STXBP6: variants seen among roughly 807,000 people sequenced by gnomAD.
STXBP6 encodes the protein syntaxin-binding protein 6.
STXBP6 carries 21 observed loss-of-function variants against 26.9 expected under a neutral mutation model. The ratio of observed to expected loss-of-function variants is 0.78; its 90% CI spans 0.55 to 1.12. The LOEUF (loss-of-function observed/expected upper bound fraction) is 1.12. Among genes scored for constraint, STXBP6 ranks in the 50% most tolerant of loss-of-function variants. The probability of loss-of-function intolerance (pLI) is 0.00; values close to 1 mark genes in which losing one functional copy is unlikely to be tolerated. For synonymous variants in STXBP6, 97 were observed against 92.6 expected, an observed-to-expected ratio of 1.05 and a Z score of -0.27; for missense variants, 232 against 257.9, an observed-to-expected ratio of 0.90 and a Z score of 0.69.
intron 1 of STXBP6, among the ~76,000 whole-genome samples, chr14:24,992,700 A>G (rs1161720493): frequency 2.0e-5 from 3 of 152,208 alleles, no homozygotes; most frequent in African/African-American, 7.2e-5. Flanking sequence ...ATGTAATGCA[A>G]TAAGCACCAA....
At chr14:25,035,106 G>C (rs979204760) in intron 1 of STXBP6, among the ~76,000 whole-genome samples, 1 of 149,170 alleles carries the variant, frequency 6.7e-6, no homozygotes, top group Non-Finnish European at 1.5e-5. Flanking sequence ...AGCCAAGATC[G>C]CACCATTGCA....
chr14:24,953,896 G>A (rs2073254509), intron 2 of STXBP6, among the ~76,000 whole-genome samples: 1 of 152,192 alleles, frequency 6.6e-6, no homozygotes, highest in African/African-American at 2.4e-5. Flanking sequence ...GCCACGGAGT[G>A]CATAAGAAAC....
intron 2 of STXBP6, among the ~76,000 whole-genome samples, chr14:24,863,034 C>T (rs1041047849): frequency 6.6e-6 from 1 of 151,916 alleles, no homozygotes; most frequent in Admixed American, 6.6e-5. Flanking sequence ...AATTTTAAAC[C>T]TTCTTTATTC....
chr14:24,838,055 AAG>A (rs1566396989), intron 4 of STXBP6, among the ~76,000 whole-genome samples: 3 of 152,316 alleles, frequency 2.0e-5, no homozygotes, highest in Non-Finnish European at 4.4e-5. Flanking sequence ...TTTTTTGAGA[AAG>A]AGTTTCACTC....
intron 2 of STXBP6, among the ~76,000 whole-genome samples, chr14:24,913,678 G>T (rs1472620890): frequency 6.6e-6 from 1 of 152,124 alleles, no homozygotes; most frequent in East Asian, 1.9e-4. Flanking sequence ...AAGTGAATTT[G>T]CTTTGCTATA....
At chr14:24,977,389 T>C (rs1230056408) in intron 1 of STXBP6, among the ~76,000 whole-genome samples, 2 of 152,210 alleles carry the variant, frequency 1.3e-5, no homozygotes, top group Admixed American at 6.5e-5. Context: ...CCTTTTATTT[T>C]TTTTTTAAAT....
intron 2 of STXBP6, among the ~76,000 whole-genome samples, chr14:24,883,826 A>C (rs527937810): frequency 1.3e-5 from 2 of 152,290 alleles, no homozygotes; most frequent in African/African-American, 4.8e-5. Context: ...GCAAATGGAA[A>C]TGTCAGACTA....
chr14:24,911,966 C>G (rs903099471), intron 2 of STXBP6, among the ~76,000 whole-genome samples: 5 of 152,150 alleles, frequency 3.3e-5, no homozygotes, highest in African/African-American at 1.2e-4. Context: ...TGGCAGCACT[C>G]CAAATATTGT....
intron 1 of STXBP6, among the ~76,000 whole-genome samples, chr14:25,013,025 G>A (rs61561953): frequency 0.033 from 5,014 of 152,232 alleles, 265 homozygotes; most frequent in African/African-American, 0.11. Context: ...CCAGTAGTCT[G>A]AGGCTGCAGT....
intron 2 of STXBP6, among the ~76,000 whole-genome samples, chr14:24,967,379 G>C (rs961984324): frequency 2.6e-5 from 4 of 152,162 alleles, no homozygotes; most frequent in Non-Finnish European, 4.4e-5. Context: ...CTGCCCTGCA[G>C]GTCATTTAAA....
At chr14:24,838,065 C>T (rs1207541645) in intron 4 of STXBP6, among the ~76,000 whole-genome samples, 1 of 152,180 alleles carries the variant, frequency 6.6e-6, no homozygotes, top group Non-Finnish European at 1.5e-5. Flanking sequence ...AAGAGTTTCA[C>T]TCAGTTGCTT....
At chr14:24,971,808 A>G (rs188641081) in intron 2 of STXBP6, among the ~76,000 whole-genome samples, 60 of 152,264 alleles carry the variant, frequency 3.9e-4, no homozygotes, top group Admixed American at 7.2e-4. Flanking sequence ...ACAGTTTATA[A>G]CTATGTTTAT....
chr14:24,831,725 GA>G (rs1253175314), intron 4 of STXBP6, among the ~76,000 whole-genome samples: 1 of 152,174 alleles, frequency 6.6e-6, no homozygotes, highest in Non-Finnish European at 1.5e-5. Flanking sequence ...TTGGTTCTTA[GA>G]GAAGTTTTAC....
At chr14:24,842,141 T>C (rs1189074593) in intron 4 of STXBP6, among the ~76,000 whole-genome samples, 2 of 152,218 alleles carry the variant, frequency 1.3e-5, no homozygotes, top group African/African-American at 2.4e-5. Context: ...TAGTGGCCAG[T>C]TGGATCCAGG....
chr14:24,861,732 C>A (rs2139232419), intron 2 of STXBP6, among the ~76,000 whole-genome samples: 1 of 152,292 alleles, frequency 6.6e-6, no homozygotes, highest in South Asian at 2.1e-4. Context: ...GAGCATGGTG[C>A]TCTCCACACA....
At chr14:24,827,612 T>C (rs1251472457) in intron 4 of STXBP6, among the ~76,000 whole-genome samples, 1 of 152,182 alleles carries the variant, frequency 6.6e-6, no homozygotes, top group Non-Finnish European at 1.5e-5. Flanking sequence ...TTTCTTTACT[T>C]AGCCCTCCAC....
chr14:24,987,168 TCAAA>T (rs1350102386), intron 1 of STXBP6, among the ~76,000 whole-genome samples: 4 of 152,154 alleles, frequency 2.6e-5, no homozygotes, highest in Non-Finnish European at 4.4e-5. Context: ...ACAAAGACAT[TCAAA>T]CAAATGTGAT....
At chr14:24,847,583 C>T (rs1223869933) in intron 4 of STXBP6, among the ~76,000 whole-genome samples, 1 of 152,044 alleles carries the variant, frequency 6.6e-6, no homozygotes. Flanking sequence ...ATGCAGAATG[C>T]CTTTTATGTC....
chr14:25,047,607 C>T (rs866260311), intron 1 of STXBP6, among the ~76,000 whole-genome samples: 4 of 152,218 alleles, frequency 2.6e-5, no homozygotes, highest in Admixed American at 2.6e-4. Context: ...ATCAGAGACT[C>T]TGGCAGTATA....
Sources: gnomAD v4.1 joint callset for allele counts (sites outside exome capture counted in the v4.1 genomes callset) on GRCh38, gnomAD v4.1.1 for gene constraint, MANE v1.5 for transcripts, NCBI Gene and HGNC (gene_info 2026-07-23, HGNC 2026-07-21) for gene names.